Variants in C9 observed in about 807,000 individuals in gnomAD.
C9 encodes the protein complement component C9.
Under a neutral mutation model 65.4 loss-of-function variants are expected in C9, and 63 were observed. That is an observed-to-expected ratio of 0.96 (90% CI 0.79 to 1.19). C9 has a LOEUF of 1.19. C9 is among the 50% of genes most tolerant of loss of function. The pLI is 0.00. For synonymous variants in C9, 229 were observed against 227.9 expected, an observed-to-expected ratio of 1.00 and a Z score of -0.04; for missense variants, 744 against 670.1, an observed-to-expected ratio of 1.11 and a Z score of -1.22.
At chr5:39,350,626 C>T (rs1056671443) in intron 1 of C9, among the ~76,000 whole-genome samples, 1 of 152,160 alleles carries the variant, frequency 6.6e-6, no homozygotes, top group African/African-American at 2.4e-5. Flanking sequence ...AGGCACCATG[C>T]AAGTCCAAAA....
intron 5 of C9, among the ~76,000 whole-genome samples, chr5:39,330,202 T>G (rs1313754697): frequency 1.3e-5 from 2 of 152,376 alleles, no homozygotes; most frequent in East Asian, 3.9e-4. Context: ...TTAGTTTTGC[T>G]ACAGAAATAT....
intron 10 of C9, among the ~76,000 whole-genome samples, chr5:39,288,255 A>T (rs1478426459): frequency 6.6e-6 from 1 of 151,826 alleles, no homozygotes; most frequent in Non-Finnish European, 1.5e-5. Flanking sequence ...AAGGCAATAG[A>T]ATTTTTTTGG....
At chr5:39,324,942 G>C (rs1443842192) in intron 5 of C9, among the ~76,000 whole-genome samples, 1 of 152,130 alleles carries the variant, frequency 6.6e-6, no homozygotes, top group Non-Finnish European at 1.5e-5. Context: ...GTCAGTTGAA[G>C]TTATCCTGTT....
chr5:39,316,816 A>G (rs1369642533), intron 5 of C9, among the ~76,000 whole-genome samples: 3 of 152,174 alleles, frequency 2.0e-5, no homozygotes, highest in East Asian at 1.9e-4. Flanking sequence ...ATATGCATGC[A>G]TGTATCTTTA....
intron 9 of C9, among the ~76,000 whole-genome samples, chr5:39,303,382 G>A (rs1208496612): frequency 6.6e-6 from 1 of 152,026 alleles, no homozygotes; most frequent in Non-Finnish European, 1.5e-5. Context: ...TCCTCAAGAA[G>A]TGGTTTTGGG....
intron 1 of C9, among the ~76,000 whole-genome samples, chr5:39,356,398 A>G (rs961204864): frequency 6.6e-6 from 1 of 152,222 alleles, no homozygotes; most frequent in Non-Finnish European, 1.5e-5. Context: ...TAACTTCTGC[A>G]TCTAATAGCC....
intron 1 of C9, among the ~76,000 whole-genome samples, chr5:39,348,328 A>T (rs940927253): frequency 1.3e-5 from 2 of 152,304 alleles, no homozygotes; most frequent in South Asian, 2.1e-4. Context: ...TTACAAGAAA[A>T]AAGCAAACAA....
At position 39,315,940 on chromosome 5, in the gene C9, A is replaced by G. The variant is rs1479799781; in HGVS notation, c.705T>C (p.Phe235=). 6.2e-7 allele frequency: 1 copy of G among 1,610,516 alleles called. No homozygotes were observed. The highest frequency in any genetic ancestry group is 8.5e-7 in the Non-Finnish European group (1 of 1,176,964). The change falls in exon 6 of 11, where the codon TTT becomes TTC. Residue 235 remains phenylalanine (F), a synonymous_variant. Transcript: ENST00000263408. ...KSIIQEKTSN[F]NAAISLKFTP... ...TAAATTTTAGAGATATAGCTGCATT[A>G]AAATTTGATGTCTTCTCTTGGATGA...
At chr5:39,341,782 T>C in intron 2 of C9, 82 bp from the exon 3 acceptor site, 1 of 1,236,572 alleles carries the variant, frequency 8.1e-7, no homozygotes, top group South Asian at 1.2e-5. Flanking sequence ...TACAACTATA[T>C]CCCTGCAATG....
intron 1 of C9, among the ~76,000 whole-genome samples, chr5:39,352,727 T>C (rs1314790601): frequency 6.6e-6 from 1 of 152,240 alleles, no homozygotes; most frequent in Non-Finnish European, 1.5e-5. Flanking sequence ...TCTAATTCAG[T>C]TTCCAGAAGG....
At chr5:39,341,951 C>T (rs930089394) in intron 2 of C9, 140 bp downstream of exon 2, 18 of 712,214 alleles carry the variant, frequency 2.5e-5, no homozygotes, top group Non-Finnish European at 4.6e-5. Context: ...AAGTTAGCAA[C>T]ATACATTTAA....
intron 1 of C9, among the ~76,000 whole-genome samples, chr5:39,347,508 C>T (rs1280273222): frequency 6.6e-6 from 1 of 152,068 alleles, no homozygotes; most frequent in Non-Finnish European, 1.5e-5. Flanking sequence ...AACCACTGCT[C>T]AGCAAAATAA....
intron 1 of C9, among the ~76,000 whole-genome samples, chr5:39,347,185 G>A (rs969852602): frequency 2.0e-5 from 3 of 152,206 alleles, no homozygotes; most frequent in Non-Finnish European, 4.4e-5. Context: ...AATAAGGCAG[G>A]AGAAAGAAAT....
intron 7 of C9, among the ~76,000 whole-genome samples, chr5:39,310,740 T>C (rs1179026518): frequency 1.3e-5 from 2 of 152,182 alleles, no homozygotes; most frequent in African/African-American, 2.4e-5. Context: ...CCCTCCAATA[T>C]TGAAGTATAC....
intron 9 of C9, among the ~76,000 whole-genome samples, chr5:39,305,553 A>G (rs763715153): frequency 2.0e-5 from 3 of 152,188 alleles, no homozygotes; most frequent in African/African-American, 7.2e-5. Context: ...TACGGCGAAA[A>G]TTGAAAGTTA....
chr5:39,291,603 G>C (rs467132), intron 9 of C9, among the ~76,000 whole-genome samples: 151,573 of 151,870 alleles, frequency 1, 75,638 homozygotes, highest in Middle Eastern at 1. Flanking sequence ...TAATTTTGCA[G>C]CTAGGTATTA....
chr5:39,310,228 C>A (rs1044329843), intron 7 of C9, among the ~76,000 whole-genome samples: 4 of 152,072 alleles, frequency 2.6e-5, no homozygotes, highest in Non-Finnish European at 1.5e-5. Context: ...CCACCCTTCA[C>A]TTAACACCTG....
At position 39,339,800 on chromosome 5, in the gene C9, C is replaced by T. The variant is rs1362375847; in HGVS notation, c.476+1346G>A. ...TCAGCCTCCCAAGTAGCTGGGACTA[C>T]AGGCACCCACCACCATGCCCTGCTG... On this transcript the variant is annotated intron_variant, in intron 4 of 10. Transcript: ENST00000263408. Among the ~76,000 whole-genome samples, 3 of 151,848 alleles carry T rather than the reference C, an allele frequency of 2.0e-5. No individual in the cohort carries two copies. In the East Asian group the frequency reaches 5.8e-4, roughly 29 times the overall value.
intron 1 of C9, among the ~76,000 whole-genome samples, chr5:39,360,856 A>C (rs1038631406): frequency 2.0e-5 from 3 of 152,216 alleles, no homozygotes; most frequent in African/African-American, 7.2e-5. Flanking sequence ...AAAGTGCAAA[A>C]TAATACAAAT....
Sources: gnomAD v4.1 joint callset for allele counts (sites outside exome capture counted in the v4.1 genomes callset) on GRCh38, gnomAD v4.1.1 for gene constraint, MANE v1.5 for transcripts, NCBI Gene and HGNC (gene_info 2026-07-23, HGNC 2026-07-21) for gene names.